The following PSD3 variants were observed in gnomAD, a reference collection of about 807,000 sequenced individuals.
The protein encoded by PSD3 is PH and SEC7 domain-containing protein 3.
In PSD3, 49 loss-of-function variants were observed where a neutral mutation model predicts 105.5. The observed-to-expected ratio is 0.46, with a 90% CI of 0.37 to 0.59. The LOEUF (loss-of-function observed/expected upper bound fraction) is 0.59, where lower values mean the gene tolerates loss of function less well. Ranked by LOEUF, PSD3 falls within the 20% of genes least tolerant of loss-of-function variation. The probability of loss-of-function intolerance (pLI) is 0.00; values close to 1 mark genes in which losing one functional copy is unlikely to be tolerated. For missense variants in PSD3, 1,561 were observed against 1,263.8 expected, an observed-to-expected ratio of 1.24 and a Z score of -3.57; for synonymous variants, 557 against 457.8, an observed-to-expected ratio of 1.22 and a Z score of -2.77.
chr8:18,915,853 G>C (rs1441388659), intron 2 of PSD3, among the ~76,000 whole-genome samples: 3 of 152,088 alleles, frequency 2.0e-5, no homozygotes, highest in Non-Finnish European at 4.4e-5. Flanking sequence ...CCAGCACTTT[G>C]GGAGGCCAAG....
At chr8:18,891,396 T>C (rs868387602) in intron 2 of PSD3, among the ~76,000 whole-genome samples, 22 of 152,216 alleles carry the variant, frequency 1.4e-4, no homozygotes, top group Admixed American at 6.5e-5. Context: ...AAGATTTTCA[T>C]GTGTAATTTG....
chr8:19,006,705 C>T (rs1186515819), intron 1 of PSD3, among the ~76,000 whole-genome samples: 1 of 152,044 alleles, frequency 6.6e-6, no homozygotes, highest in African/African-American at 2.4e-5. Flanking sequence ...TTTCTAACCA[C>T]TGGACACGGG....
chr8:18,837,607 T>C (rs1317895765), intron 4 of PSD3, among the ~76,000 whole-genome samples: 1 of 152,024 alleles, frequency 6.6e-6, no homozygotes, highest in Non-Finnish European at 1.5e-5. Context: ...TGGCAAAAGA[T>C]GATAAATGTA....
chr8:18,828,025 TAC>T (rs1813343437), intron 4 of PSD3, among the ~76,000 whole-genome samples: 5 of 143,412 alleles, frequency 3.5e-5, no homozygotes, highest in African/African-American at 1.3e-4. Flanking sequence ...TATATACATA[TAC>T]ATATATATAA....
At chr8:18,761,402 A>G (rs1305744574) in intron 9 of PSD3, among the ~76,000 whole-genome samples, 9 of 152,188 alleles carry the variant, frequency 5.9e-5, no homozygotes, top group Non-Finnish European at 1.5e-5. Flanking sequence ...GGCTAAGTAA[A>G]ATAATATCAA....
intron 9 of PSD3, among the ~76,000 whole-genome samples, chr8:18,663,865 A>AT (rs1416233089): frequency 1.3e-5 from 2 of 152,130 alleles, no homozygotes; most frequent in Admixed American, 6.5e-5. Flanking sequence ...TGTCAGTGAC[A>AT]TTTTTTTCCA....
At chr8:18,830,357 A>T (rs999710015) in intron 4 of PSD3, among the ~76,000 whole-genome samples, 2 of 152,232 alleles carry the variant, frequency 1.3e-5, no homozygotes, top group African/African-American at 4.8e-5. Flanking sequence ...AATGTGCTCA[A>T]GTTATATTTG....
At chr8:19,011,125 C>G (rs1826931676) in intron 1 of PSD3, among the ~76,000 whole-genome samples, 1 of 152,062 alleles carries the variant, frequency 6.6e-6, no homozygotes, top group African/African-American at 2.4e-5. Context: ...CAATCCAACC[C>G]AAACCCAAAG....
intron 2 of PSD3, chr8:18,924,519 A>G (rs948484160): frequency 2.0e-5 from 3 of 152,232 alleles, no homozygotes; most frequent in African/African-American, 7.2e-5. Context: ...ATAAATCAAC[A>G]GAAAACCTGA....
intron 1 of PSD3, among the ~76,000 whole-genome samples, chr8:19,026,101 T>C (rs995276623): frequency 5.9e-5 from 9 of 152,140 alleles, no homozygotes; most frequent in South Asian, 2.1e-4. Flanking sequence ...TTATTCACTA[T>C]CAGGAAAACA....
At chr8:18,618,801 C>T (rs1251276945) in intron 11 of PSD3, among the ~76,000 whole-genome samples, 4 of 152,074 alleles carry the variant, frequency 2.6e-5, no homozygotes, top group African/African-American at 9.7e-5. Flanking sequence ...CCACCTTAGC[C>T]CCCTGACTAG....
intron 12 of PSD3, among the ~76,000 whole-genome samples, chr8:18,590,164 A>C (rs1177882855): frequency 6.6e-6 from 1 of 152,246 alleles, no homozygotes; most frequent in Non-Finnish European, 1.5e-5. Flanking sequence ...TAATTCTTTC[A>C]ATCTCATATA....
intron 1 of PSD3, among the ~76,000 whole-genome samples, chr8:18,961,937 A>T (rs1049331815): frequency 1.3e-5 from 2 of 152,020 alleles, no homozygotes; most frequent in African/African-American, 4.8e-5. Context: ...AAACCATGTA[A>T]AATCTATGAC....
intron 4 of PSD3, among the ~76,000 whole-genome samples, chr8:18,862,206 A>C (rs1211613804): frequency 6.6e-6 from 1 of 151,942 alleles, no homozygotes; most frequent in Non-Finnish European, 1.5e-5. Context: ...TTCCTCCTTT[A>C]CGAGATAGGT....
chr8:19,022,475 C>A (rs1247888000), intron 1 of PSD3, among the ~76,000 whole-genome samples: 3 of 152,234 alleles, frequency 2.0e-5, no homozygotes, highest in Admixed American at 1.3e-4. Context: ...CTCACACATG[C>A]CCCTTGCCTC....
chr8:18,656,429 G>A (rs756393451), intron 9 of PSD3, among the ~76,000 whole-genome samples: 4 of 151,914 alleles, frequency 2.6e-5, no homozygotes, highest in Non-Finnish European at 5.9e-5. Context: ...ATACTTGGTA[G>A]GGGGACTGAA....
chr8:18,590,882 A>G (rs1803551933), intron 12 of PSD3, among the ~76,000 whole-genome samples: 1 of 152,184 alleles, frequency 6.6e-6, no homozygotes, highest in Non-Finnish European at 1.5e-5. Flanking sequence ...TTTCTAAAAA[A>G]CTTTTAATAA....
intron 9 of PSD3, among the ~76,000 whole-genome samples, chr8:18,666,577 A>C (rs1286231084): frequency 6.6e-6 from 1 of 152,232 alleles, no homozygotes. Flanking sequence ...TAAGAGTTAC[A>C]ACTCAAATAT....
At chr8:18,671,655 T>C (rs1419712648) in intron 9 of PSD3, among the ~76,000 whole-genome samples, 37 of 151,678 alleles carry the variant, frequency 2.4e-4, no homozygotes, top group Admixed American at 5.9e-4. Flanking sequence ...TTTTTTGAGA[T>C]GGAGTCTCGC....
Sources: gnomAD v4.1 joint callset for allele counts (sites outside exome capture counted in the v4.1 genomes callset) on GRCh38, gnomAD v4.1.1 for gene constraint, MANE v1.5 for transcripts, NCBI Gene and HGNC (gene_info 2026-07-23, HGNC 2026-07-21) for gene names.